CRTC1: variants seen among roughly 807,000 people sequenced by gnomAD.
CRTC1 encodes CREB-regulated transcription coactivator 1.
Under a neutral mutation model 66.1 loss-of-function variants are expected in CRTC1, and 18 were observed. The observed-to-expected ratio is 0.27, with a 90% CI of 0.19 to 0.40. The LOEUF is 0.40. Ranked by LOEUF, CRTC1 falls within the 10% of genes least tolerant of loss-of-function variation. The probability of loss-of-function intolerance (pLI) is 1.00; values close to 1 mark genes in which losing one functional copy is unlikely to be tolerated. For missense variants in CRTC1, 669 were observed against 887.9 expected (o/e 0.75, Z 3.13); for synonymous variants, 416 against 398.8 (o/e 1.04, Z -0.51).
intron 1 of CRTC1, among the ~76,000 whole-genome samples, chr19:18,727,363 C>T (rs1460701444): frequency 2.0e-5 from 3 of 151,668 alleles, no homozygotes; most frequent in South Asian, 2.1e-4. Context: ...AGGCAGGTCA[C>T]GAGGTCAGGA....
chr19:18,747,144 C>CCCCCCCCTCCCT, intron 4 of CRTC1, 30 bp downstream of exon 4: 1 of 1,136,200 alleles, frequency 8.8e-7, no homozygotes, highest in South Asian at 1.2e-5. Context: ...CCCCCCGCCC[C>CCCCCCCCTCCCT]CTTCTTGTTG....
intron 1 of CRTC1, among the ~76,000 whole-genome samples, chr19:18,684,738 A>AG (rs2052647389): frequency 6.6e-6 from 1 of 152,130 alleles, no homozygotes; most frequent in Middle Eastern, 3.2e-3. Flanking sequence ...TTTGGTGTGC[A>AG]GGGGCAGGCC....
intron 1 of CRTC1, among the ~76,000 whole-genome samples, chr19:18,713,682 C>T (rs899570396): frequency 1.5e-4 from 23 of 152,362 alleles, no homozygotes; most frequent in Middle Eastern, 3.4e-3. Flanking sequence ...GGTCCAGGTT[C>T]GTGTTGGCTG....
intron 1 of CRTC1, among the ~76,000 whole-genome samples, chr19:18,725,539 G>A (rs576408851): frequency 4.3e-4 from 65 of 152,272 alleles, no homozygotes; most frequent in African/African-American, 1.4e-3. Flanking sequence ...GTTCAGCGTT[G>A]GAGAAGGCAT....
At chr19:18,757,910 C>G (rs963622866) in intron 6 of CRTC1, among the ~76,000 whole-genome samples, 1 of 148,954 alleles carries the variant, frequency 6.7e-6, no homozygotes, top group Non-Finnish European at 1.5e-5. Context: ...CCCAGCTACT[C>G]GGGAGGCTGA....
At chr19:18,703,200 G>A (rs535132565) in intron 1 of CRTC1, among the ~76,000 whole-genome samples, 1 of 152,108 alleles carries the variant, frequency 6.6e-6, no homozygotes, top group African/African-American at 2.4e-5. Flanking sequence ...TGTTAGCCAG[G>A]ACGGTCTCGG....
chr19:18,700,035 A>C (rs894519158), intron 1 of CRTC1, among the ~76,000 whole-genome samples: 1 of 152,114 alleles, frequency 6.6e-6, no homozygotes, highest in African/African-American at 2.4e-5. Flanking sequence ...CTGATTCCCC[A>C]GGAGGGTTGG....
chr19:18,760,188 G>A lies in CRTC1; in HGVS notation c.846G>A (p.Ala282=), dbSNP rs112538945. The A allele has an allele frequency of 2.0e-3, 3,260 of 1,612,908 alleles. 34 individuals carry two copies. The highest frequency in any genetic ancestry group is 0.016 in the African/African-American group (1,185 of 74,994). ...LSSSSSTGNL[A]ANLTHLGIGG... ...GCTCCAGCAGCACCGGCAACCTCGC[G>A]GCCAACCTGACGCACCTGGGCATCG... The change falls in exon 8 of 14, where the codon GCG becomes GCA. Residue 282 remains alanine, a synonymous_variant. Transcript: ENST00000321949. This position sits in a 1 kb window ranked among gnomAD's most constrained non-coding sequence, Gnocchi z 6.2.
chr19:18,684,428 G>C (rs985469846), intron 1 of CRTC1, among the ~76,000 whole-genome samples: 5 of 152,114 alleles, frequency 3.3e-5, no homozygotes, highest in Non-Finnish European at 5.9e-5. Context: ...TACTCCCTGG[G>C]TGTTGGGGGA....
At chr19:18,703,484 A>T (rs1393570902) in intron 1 of CRTC1, among the ~76,000 whole-genome samples, 2 of 151,910 alleles carry the variant, frequency 1.3e-5, no homozygotes. Flanking sequence ...TTTATGATAG[A>T]GTCTTGTTCT....
At chr19:18,699,576 T>C (rs2053079979) in intron 1 of CRTC1, among the ~76,000 whole-genome samples, 1 of 152,106 alleles carries the variant, frequency 6.6e-6, no homozygotes, top group Admixed American at 6.5e-5. Context: ...CCTGAGCATC[T>C]CCTGTGAGCT....
At chr19:18,759,956 G>GCCAGCCCCTGTCCCCGCCA in intron 7 of CRTC1, 52 bp from the exon 8 acceptor site, 2 of 1,221,318 alleles carry the variant, frequency 1.6e-6, no homozygotes, top group Non-Finnish European at 2.3e-6. Flanking sequence ...TGTCCCCGCC[G>GCCAGCCCCTGTCCCCGCCA]CCAGCCCCGC....
At position 18,753,081 on chromosome 19, in the gene CRTC1, C is replaced by T. The variant is rs186193301; in HGVS notation, c.539-419C>T. On this transcript the variant is annotated intron_variant, in intron 5 of 13. Coordinates refer to ENST00000321949, the MANE Select transcript of CRTC1 (RefSeq NM_015321.3). ...GAGATCGAGACCATCCTGGCTAACA[C>T]AGTGAAACCCCGTCTCTACTAAAAA... Among the ~76,000 whole-genome samples the T allele has an allele frequency of 9.0e-3, 1,367 of 151,384 alleles. 20 individuals carry two copies. Among genetic ancestry groups the T allele is most frequent in the African/African-American group, 0.032 (1,315 of 41,262 alleles).
intron 8 of CRTC1, among the ~76,000 whole-genome samples, chr19:18,763,870 G>A (rs531505786): frequency 6.6e-6 from 1 of 152,320 alleles, no homozygotes; most frequent in South Asian, 2.1e-4. Flanking sequence ...CGCACGAAGT[G>A]GCGGACACTC....
At chr19:18,773,245 C>G (rs927578347) in intron 11 of CRTC1, among the ~76,000 whole-genome samples, 1 of 152,056 alleles carries the variant, frequency 6.6e-6, no homozygotes, top group South Asian at 2.1e-4. Context: ...ACTGGGTCTC[C>G]GAGGACTCAC....
chr19:18,711,870 T>C (rs1301814440), intron 1 of CRTC1, among the ~76,000 whole-genome samples: 1 of 152,190 alleles, frequency 6.6e-6, no homozygotes, highest in Non-Finnish European at 1.5e-5. Context: ...ACCCCCACAC[T>C]GCCAGAACCT....
chr19:18,768,916 C>A lies in CRTC1; in HGVS notation c.1320+123C>A. 2 of 1,219,404 alleles carry A rather than the reference C, an allele frequency of 1.6e-6. No homozygotes were observed. The highest frequency in any genetic ancestry group is 2.2e-6 in the Non-Finnish European group (2 of 895,672). The allele number at this position is 1,219,404 out of a possible 1,614,324, so 75.5% of individuals were successfully genotyped here. Reference sequence around the variant, plus strand: ...GGGGTCAGAACCCCAGCGAACGCTGCCTGGGCCCACCTCTCCACGGGGCTA... The same window carrying A: ...GGGGTCAGAACCCCAGCGAACGCTGACTGGGCCCACCTCTCCACGGGGCTA... On this transcript the variant is annotated intron_variant, in intron 10 of 13. Coordinates refer to ENST00000321949, the MANE Select transcript of CRTC1 (RefSeq NM_015321.3). This position sits in a 1 kb window ranked among gnomAD's most constrained non-coding sequence, Gnocchi z 5.6.
chr19:18,777,767 C>T lies in CRTC1; in HGVS notation c.*385C>T. ...GAGGGGCGCGCATGGTCCGCCAGGG[C>T]TGTGGGCCGTGGCGCATTTTCCGAC... On this transcript the variant is annotated 3_prime_UTR_variant, in exon 14 of 14. Transcript: ENST00000321949. The surrounding 1 kb of genome is among the most constrained non-coding windows in gnomAD (Gnocchi z 5.5). The T allele has an allele frequency of 3.1e-6, 1 of 326,694 alleles. No homozygotes were observed. The highest frequency in any genetic ancestry group is 4.1e-5 in the South Asian group (1 of 24,550). 20.2% of individuals were successfully genotyped at this position (326,694 alleles called of 1,614,324 possible).
Position 18,774,916 on chromosome 19 carries a change from G to A in CRTC1, c.1442G>A (p.Gly481Asp). 6.2e-7 allele frequency: 1 copy of A among 1,610,966 alleles called. No individual in the cohort carries two copies. ...GSSPQHTSTL[G>D]SVFGDAYYEQ... ...TGTCTGCAGCACACTTCCACCCTGG[G>A]CAGCGTGTTTGGGGACGCGTACTAT... Residue 481 changes from glycine to aspartate, a missense_variant, in exon 12 of 14, where the codon GGC (glycine) becomes GAC (aspartate). This residue lies in a region of CRTC1 where 79 missense variants were observed against 100.1 expected (regional missense o/e 0.79). Coordinates refer to ENST00000321949, the MANE Select transcript of CRTC1 (RefSeq NM_015321.3).
Sources: allele counts gnomAD v4.1 joint callset (sites outside exome capture counted in the v4.1 genomes callset), GRCh38; gene constraint gnomAD v4.1.1; regional missense constraint gnomAD v4.1.1; non-coding constraint Gnocchi (gnomAD v3.1); transcripts MANE v1.5; gene names NCBI Gene and HGNC (gene_info 2026-07-23, HGNC 2026-07-21).